The following IL5 variants were observed in gnomAD, a reference collection of about 807,000 sequenced individuals.
IL5 encodes interleukin 5, also known as interleukin-5.
A neutral mutation model predicts 16.3 loss-of-function variants in IL5; 12 were observed. That is an observed-to-expected ratio of 0.74 (90% CI 0.47 to 1.20). The LOEUF is 1.20. Ranked by LOEUF, IL5 falls within the 50% of genes most tolerant of loss-of-function variation. IL5 has a pLI of 0.00. For synonymous variants in IL5, 54 were observed against 56.6 expected (o/e 0.95, Z 0.21); for missense variants, 159 against 153.9 (o/e 1.03, Z -0.17).
chr5:132,546,538 T>C (rs142519630), upstream of IL5, among the ~76,000 whole-genome samples: 1 of 152,330 alleles, frequency 6.6e-6, no homozygotes, highest in Non-Finnish European at 1.5e-5. Context: ...GTTTTGTTTA[T>C]CCATGGTCTG....
chr5:132,552,490 C>A (rs1036304882), intron 1 of IL5, among the ~76,000 whole-genome samples: 1 of 152,118 alleles, frequency 6.6e-6, no homozygotes, highest in African/African-American at 2.4e-5. Flanking sequence ...ATCTTTTCCA[C>A]CCCAATCCTA....
At chr5:132,546,667 A>T (rs990635720), upstream of IL5, among the ~76,000 whole-genome samples, 2 of 152,072 alleles carry the variant, frequency 1.3e-5, no homozygotes, top group African/African-American at 4.8e-5. Flanking sequence ...TTCCTCTATA[A>T]GTGTGATCTC....
At chr5:132,546,210 G>A (rs1036016598), upstream of IL5, among the ~76,000 whole-genome samples, 3 of 152,078 alleles carry the variant, frequency 2.0e-5, no homozygotes, top group Admixed American at 6.6e-5. Context: ...GTACAGCTCA[G>A]TAGCCTTAAG....
chr5:132,547,633 C>A (rs141334224), upstream of IL5, among the ~76,000 whole-genome samples: 5 of 152,196 alleles, frequency 3.3e-5, no homozygotes, highest in African/African-American at 1.2e-4. Flanking sequence ...AGTAATGTAC[C>A]AATATTAGTT....
chr5:132,553,792 G>A (rs1270239450), intron 1 of IL5, among the ~76,000 whole-genome samples: 3 of 151,138 alleles, frequency 2.0e-5, no homozygotes, highest in Non-Finnish European at 4.4e-5. Flanking sequence ...AAAATTAGCC[G>A]GGCGCGGTGG....
intron 1 of IL5, among the ~76,000 whole-genome samples, chr5:132,552,312 G>A (rs1018284085): frequency 6.6e-6 from 1 of 152,040 alleles, no homozygotes; most frequent in Admixed American, 6.6e-5. Flanking sequence ...AAAGAATAAA[G>A]AAGTTCTCTA....
intron 1 of IL5, chr5:132,556,592 T>A (rs893486130): frequency 2.3e-5 from 19 of 837,660 alleles, no homozygotes; most frequent in Non-Finnish European, 3.0e-5. Flanking sequence ...TCATCACATG[T>A]TATGTGATCA....
chr5:132,546,821 C>G (rs1218151705), upstream of IL5, among the ~76,000 whole-genome samples: 1 of 151,844 alleles, frequency 6.6e-6, no homozygotes, highest in Non-Finnish European at 1.5e-5. Flanking sequence ...GTCAGGAGAT[C>G]GAGACCATCC....
intron 1 of IL5, among the ~76,000 whole-genome samples, chr5:132,548,981 G>A (rs1010111405): frequency 1.3e-5 from 2 of 152,080 alleles, no homozygotes; most frequent in East Asian, 1.9e-4. Flanking sequence ...GTTATACATC[G>A]TTTCCCTTAA....
At chr5:132,546,282 C>G (rs1022058447), upstream of IL5, among the ~76,000 whole-genome samples, 2 of 152,120 alleles carry the variant, frequency 1.3e-5, no homozygotes, top group African/African-American at 4.8e-5. Flanking sequence ...AACTGAAACT[C>G]TGTACCCATT....
intron 2 of IL5, 90 bp downstream of exon 2, chr5:132,543,004 A>G: frequency 3.2e-6 from 3 of 952,230 alleles, no homozygotes; most frequent in Non-Finnish European, 5.0e-6. Flanking sequence ...AGAAAATTAA[A>G]TAGTTCCAAT....
At position 132,541,733 on chromosome 5, in the gene IL5, C is replaced by A. The variant is rs909135733; in HGVS notation, c.*78G>T. 3 of 847,782 alleles carry A rather than the reference C, an allele frequency of 3.5e-6. No individual in the cohort carries two copies. The South Asian group carries it at 4.9e-5, about 14-fold the overall frequency. 52.5% of individuals were successfully genotyped at this position (847,782 alleles called of 1,614,324 possible). Reference sequence around the variant, plus strand: ...TTATACTGAAAATTAAGGCCTGACTCTTTCTTGGCCCTCATTCTCACTGCA... The same window carrying A: ...TTATACTGAAAATTAAGGCCTGACTATTTCTTGGCCCTCATTCTCACTGCA... On this transcript the variant is annotated 3_prime_UTR_variant, in exon 4 of 4. Transcript: ENST00000231454.
At chr5:132,548,038 T>C (rs182399614), upstream of IL5, among the ~76,000 whole-genome samples, 173 of 152,274 alleles carry the variant, frequency 1.1e-3, 1 homozygote, top group African/African-American at 4.0e-3. Context: ...CACTGCACTC[T>C]AGCCTGGGTG....
chr5:132,543,445 G>T lies in IL5; in HGVS notation c.34C>A (p.Leu12Ile), dbSNP rs745640961. 3.1e-5 allele frequency: 50 copies of T among 1,614,026 alleles called. 1 individual carries two copies. Among genetic ancestry groups the T allele is most frequent in the Non-Finnish European group, 4.2e-5 (50 of 1,180,012 alleles). The change falls in exon 1 of 4, where the codon CTT (leucine) becomes ATT (isoleucine). Residue 12 changes from leucine (L) to isoleucine (I), a missense_variant. By Grantham distance (5) the Leu-to-Ile change is conservative (BLOSUM62 2). Coordinates refer to ENST00000231454, the MANE Select transcript of IL5 (RefSeq NM_000879.3). ...ATGGCATACACGTAGGCAGCTCCAA[G>T]AGCTAGCAAACTCAAATGCAGAAGC... is the stretch of plus-strand genomic sequence containing the variant. ...RMLLHLSLLA[L>I]GAAYVYAIPT...
At chr5:132,544,582 C>T (rs1215967491), upstream of IL5, among the ~76,000 whole-genome samples, 3 of 152,224 alleles carry the variant, frequency 2.0e-5, no homozygotes, top group Non-Finnish European at 1.5e-5. Flanking sequence ...TTAGGGGAAT[C>T]AGCCTTTGTT....
intron 1 of IL5, among the ~76,000 whole-genome samples, chr5:132,550,210 T>C (rs1468588499): frequency 6.6e-6 from 1 of 152,236 alleles, no homozygotes; most frequent in Non-Finnish European, 1.5e-5. Context: ...TATAAACACC[T>C]GTGTAAAATT....
At chr5:132,546,919 A>G (rs1180705536), upstream of IL5, among the ~76,000 whole-genome samples, 1 of 152,104 alleles carries the variant, frequency 6.6e-6, no homozygotes, top group East Asian at 1.9e-4. Flanking sequence ...CCAGCTACTC[A>G]GGAGGCTGAG....
exon 1 of IL5, chr5:132,556,762 G>T (rs1054896734): frequency 3.3e-6 from 4 of 1,201,300 alleles, no homozygotes; most frequent in Non-Finnish European, 4.2e-6. Flanking sequence ...TCCGTCACAG[G>T]TCTTGGTCTC....
rs778643517 is a variant in IL5, at chr5:132,542,072, A to G, written c.249T>C (p.Thr83=). ...ACAAGTTTTTGAATAGTCTTTCCAC[A>G]GTACCCCCTTGCACAGTTTGACTCT... ...TLESQTVQGG[T]VERLFKNLSL... The change falls in exon 3 of 4, where the codon ACT becomes ACC. Residue 83 remains threonine (T), a synonymous_variant. Transcript: ENST00000231454. The G allele has an allele frequency of 3.1e-6, 5 of 1,613,630 alleles. No individual in the cohort carries two copies. In the African/African-American group the frequency reaches 5.3e-5, roughly 17 times the overall value.
Sources: allele counts gnomAD v4.1 joint callset (sites outside exome capture counted in the v4.1 genomes callset), GRCh38; gene constraint gnomAD v4.1.1; transcripts MANE v1.5; gene names NCBI Gene and HGNC (gene_info 2026-07-23, HGNC 2026-07-21).